PIK3R5: variants seen among roughly 807,000 people sequenced by gnomAD.
PIK3R5 encodes phosphoinositide 3-kinase regulatory subunit 5.
PIK3R5 carries 32 observed loss-of-function variants against 94.9 expected under a neutral mutation model. The ratio of observed to expected loss-of-function variants is 0.34; its 90% CI spans 0.25 to 0.45. The LOEUF (loss-of-function observed/expected upper bound fraction) is 0.45. Ranked by LOEUF, PIK3R5 falls within the 20% of genes least tolerant of loss-of-function variation. PIK3R5 has a pLI of 1.00. For synonymous variants in PIK3R5, 443 were observed against 479.4 expected (o/e 0.92, Z 0.99); for missense variants, 853 against 1,144.6 (o/e 0.75, Z 3.68).
intron 1 of PIK3R5, among the ~76,000 whole-genome samples, chr17:8,940,426 A>G (rs2091155351): frequency 6.6e-6 from 1 of 152,122 alleles, no homozygotes; most frequent in African/African-American, 2.4e-5. Context: ...CCCTGACAAG[A>G]TGGGACCCAG....
Position 8,881,734 on chromosome 17 carries a change from G to T in PIK3R5, c.2300-22C>A, listed in dbSNP as rs2089667003. The stretch of plus-strand genomic sequence containing the variant: ...GAATCTGAGGGGCAAGGACACTCAG[G>T]CCAGGCTCAGAGCACCTCCCTACTG... On this transcript the variant is annotated intron_variant, in intron 16 of 18. Transcript: ENST00000447110. The surrounding 1 kb of genome is among the most constrained non-coding windows in gnomAD (Gnocchi z 4.8). 3.7e-6 allele frequency: 6 copies of T among 1,612,550 alleles called. No individual in the cohort carries two copies. The African/African-American group carries it at 8.0e-5, about 22-fold the overall frequency.
intron 1 of PIK3R5, among the ~76,000 whole-genome samples, chr17:8,949,266 C>T (rs531559797): frequency 1.2e-4 from 18 of 152,290 alleles, no homozygotes; most frequent in South Asian, 4.1e-4. Context: ...TGCTAAATTT[C>T]GAGCTGGTGA....
chr17:8,903,178 T>A (rs192437306), intron 5 of PIK3R5, among the ~76,000 whole-genome samples: 1 of 152,210 alleles, frequency 6.6e-6, no homozygotes, highest in Non-Finnish European at 1.5e-5. Flanking sequence ...ATATTTTTTA[T>A]GGTCTACCAA....
At chr17:8,939,000 T>C (rs1597420864) in intron 1 of PIK3R5, among the ~76,000 whole-genome samples, 1 of 152,210 alleles carries the variant, frequency 6.6e-6, no homozygotes, top group Non-Finnish European at 1.5e-5. Flanking sequence ...TTGAGTCTTG[T>C]GGGCTTACAT....
At chr17:8,931,874 C>A (rs992842478) in intron 1 of PIK3R5, among the ~76,000 whole-genome samples, 1 of 152,190 alleles carries the variant, frequency 6.6e-6, no homozygotes, top group Admixed American at 6.5e-5. Flanking sequence ...TAATTCTTGA[C>A]ATCTAGACAT....
chr17:8,902,580 T>G (rs944487043), intron 5 of PIK3R5, among the ~76,000 whole-genome samples: 1 of 152,098 alleles, frequency 6.6e-6, no homozygotes, highest in African/African-American at 2.4e-5. Flanking sequence ...TGCAAATATT[T>G]TTCTCAGTTT....
At chr17:8,897,553 G>A (rs2090180397) in intron 5 of PIK3R5, among the ~76,000 whole-genome samples, 1 of 152,168 alleles carries the variant, frequency 6.6e-6, no homozygotes, top group Non-Finnish European at 1.5e-5. Context: ...CACCCTAACA[G>A]GACCAATCCA....
intron 1 of PIK3R5, among the ~76,000 whole-genome samples, chr17:8,951,984 A>G (rs1307045561): frequency 6.6e-6 from 1 of 152,260 alleles, no homozygotes; most frequent in African/African-American, 2.4e-5. Context: ...TTTAGAAGGA[A>G]GAGGCATGCA....
chr17:8,879,400 A>T lies in PIK3R5; in HGVS notation c.*1239T>A, dbSNP rs1597458730. 6.6e-6 allele frequency: 1 copy of T among 152,234 alleles called. No individual in the cohort carries two copies. The highest frequency in any genetic ancestry group is 2.1e-4 in the South Asian group (1 of 4,816). The allele number at this position is 152,234 out of a possible 1,614,324, so 9.4% of individuals were successfully genotyped here. On this transcript the variant is annotated 3_prime_UTR_variant, in exon 19 of 19. Coordinates refer to ENST00000447110, the MANE Select transcript of PIK3R5 (RefSeq NM_001142633.3). The surrounding 1 kb of genome is among the most constrained non-coding windows in gnomAD (Gnocchi z 4.4). ...TGACCATTTCCCATGCACCAGTCCC[A>T]TTTCCCCTGAGTCGGGCACTAAGCT... is the stretch of plus-strand genomic sequence containing the variant.
At chr17:8,891,481 G>A (rs992446861) in intron 6 of PIK3R5, among the ~76,000 whole-genome samples, 2 of 152,176 alleles carry the variant, frequency 1.3e-5, no homozygotes, top group Admixed American at 6.5e-5. Context: ...CATGATACAG[G>A]CTTTCACTGG....
In PIK3R5 at chr17:8,880,455, T is replaced by G. The variant is rs1567628948; in HGVS notation, c.*184A>C. On this transcript the variant is annotated 3_prime_UTR_variant, in exon 19 of 19. Coordinates refer to ENST00000447110, the MANE Select transcript of PIK3R5 (RefSeq NM_001142633.3). ...CTGGCCCTTCTCTCTCTGATAGCTG[T>G]TGCTTTCCCAGAACCCTGAGGCCCC... is the stretch of plus-strand genomic sequence containing the variant. 5.5e-6 allele frequency: 3 copies of G among 547,400 alleles called. No individual in the cohort carries two copies. The East Asian group carries it at 9.0e-5, about 16-fold the overall frequency. The allele number at this position is 547,400 out of a possible 1,614,324, so 33.9% of individuals were successfully genotyped here. A position where few individuals can be genotyped will look rare whatever the true frequency, so the allele number is the denominator to read the frequency against.
At position 8,886,312 on chromosome 17, in the gene PIK3R5, A is replaced by G; in HGVS notation, c.2045T>C (p.Ile682Thr). ...LQVYQTELTF[I>T]TGEKTTEIFI... ...GATCTCTGTCGTCTTCTCCCCAGTG[A>G]TGAAGGTCAGCTGGAGAGGGCAGGA... The change falls in exon 14 of 19, where the codon ATC becomes ACC. Residue 682 changes from isoleucine to threonine, a missense_variant. Around this residue, in one of 6 missense-constraint regions of PIK3R5, gnomAD observed 173 missense variants for 274.1 expected, o/e 0.63. Transcript: ENST00000447110. 6.2e-7 allele frequency: 1 copy of G among 1,613,328 alleles called. No individual in the cohort carries two copies. Among genetic ancestry groups the G allele is most frequent in the East Asian group, 2.2e-5 (1 of 44,890 alleles).
intron 1 of PIK3R5, among the ~76,000 whole-genome samples, chr17:8,963,315 G>T (rs1196080059): frequency 6.6e-6 from 1 of 152,060 alleles, no homozygotes; most frequent in East Asian, 1.9e-4. Context: ...CCCAAGCTGG[G>T]GCTTCCAAAC....
rs755015845 is a variant in PIK3R5, at chr17:8,904,266, C to T, written c.412+511G>A. 6.6e-6 allele frequency among the ~76,000 whole-genome samples: 1 copy of T among 152,210 alleles called. No individual in the cohort carries two copies. Among genetic ancestry groups the T allele is most frequent in the Non-Finnish European group, 1.5e-5 (1 of 68,042 alleles). On this transcript the variant is annotated intron_variant, in intron 5 of 18. Transcript: ENST00000447110. This position sits in a 1 kb window ranked among gnomAD's most constrained non-coding sequence, Gnocchi z 5.1. ...TTCTGAAGAATTCTTACTTTTCAGACCCCACACATGAAAACTGAGTCCCGG... is the reference window on the plus strand; with the variant it reads ...TTCTGAAGAATTCTTACTTTTCAGATCCCACACATGAAAACTGAGTCCCGG...
Position 8,907,345 on chromosome 17 carries a change from T to C in PIK3R5, c.205-1608A>G, listed in dbSNP as rs1290549948. On this transcript the variant is annotated intron_variant, in intron 3 of 18. Coordinates refer to ENST00000447110, the MANE Select transcript of PIK3R5 (RefSeq NM_001142633.3). ...CATGCCTGGCATCTTATTAGTTTCA[T>C]TGTGGACATTCAAGATTATTTTCTT... 3.3e-5 allele frequency among the ~76,000 whole-genome samples: 5 copies of C among 152,270 alleles called. No homozygotes were observed. The East Asian group carries it at 7.7e-4, about 24-fold the overall frequency.
rs761120075 is a variant in PIK3R5, at chr17:8,887,076, G to A, written c.1905+20C>T. 27 of 1,613,382 alleles carry A rather than the reference G, an allele frequency of 1.7e-5. No homozygotes were observed. The highest frequency in any genetic ancestry group is 1.1e-4 in the South Asian group (10 of 91,038). On this transcript the variant is annotated intron_variant, in intron 12 of 18. Transcript: ENST00000447110. Reference sequence around the variant, plus strand: ...GACTGCAGCCAGTGGACCCTGTTCCGCAACCACGGGGCCACTTACCTGGCA... The same window carrying A: ...GACTGCAGCCAGTGGACCCTGTTCCACAACCACGGGGCCACTTACCTGGCA...
chr17:8,911,439 C>T lies in PIK3R5; in HGVS notation c.56G>A (p.Arg19His), dbSNP rs1194165764. ...TEDRIQHALE[R>H]CLHGLSLSRR... is the part of the protein sequence containing the mutation. ...GCTGAGGCTGAGTCCATGCAGGCAG[C>T]GTTCCAGGGCATGCTGGATGCGGTC... Residue 19 changes from arginine (R) to histidine (H), a missense_variant, in exon 2 of 19, where the codon CGC becomes CAC. Arg to His is a conservative substitution (Grantham distance 29, BLOSUM62 0). Transcript: ENST00000447110. This position sits in a 1 kb window ranked among gnomAD's most constrained non-coding sequence, Gnocchi z 5.3. The T allele has an allele frequency of 6.3e-7, 1 of 1,599,952 alleles. No individual in the cohort carries two copies. Among genetic ancestry groups the T allele is most frequent in the Non-Finnish European group, 8.5e-7 (1 of 1,179,890 alleles).
chr17:8,884,806 C>T lies in PIK3R5; in HGVS notation c.2129-23G>A. ...GACCTGTGCCACACACAGACAGACC[C>T]TTCACTACCCCTGGCTTCCCCGGCT... On this transcript the variant is annotated intron_variant, in intron 14 of 18. Transcript: ENST00000447110. The surrounding 1 kb of genome is among the most constrained non-coding windows in gnomAD (Gnocchi z 5.8). The T allele has an allele frequency of 6.2e-7, 1 of 1,609,846 alleles. No individual in the cohort carries two copies. Among genetic ancestry groups the T allele is most frequent in the Non-Finnish European group, 8.5e-7 (1 of 1,177,848 alleles).
rs1409831391 is a variant in PIK3R5, at chr17:8,882,610, A to G, written c.2206-729T>C. The G allele has an allele frequency of 6.5e-6, 1 of 152,756 alleles. No homozygotes were observed. Among genetic ancestry groups the G allele is most frequent in the East Asian group, 1.9e-4 (1 of 5,176 alleles). 9.5% of individuals were successfully genotyped at this position (152,756 alleles called of 1,614,324 possible). ...GTCAGGCCCGTTCAGCCAGCCGTCTATTCTCACTGTCTCCTTATACCTCTC... is the reference window on the plus strand; with the variant it reads ...GTCAGGCCCGTTCAGCCAGCCGTCTGTTCTCACTGTCTCCTTATACCTCTC... On this transcript the variant is annotated intron_variant, in intron 15 of 18. Transcript: ENST00000447110. The surrounding 1 kb of genome is among the most constrained non-coding windows in gnomAD (Gnocchi z 4.1).
Sources: gnomAD v4.1 joint callset for allele counts (sites outside exome capture counted in the v4.1 genomes callset) on GRCh38, gnomAD v4.1.1 for gene constraint, gnomAD v4.1.1 regional missense constraint, Gnocchi (gnomAD v3.1) non-coding constraint, MANE v1.5 for transcripts, NCBI Gene and HGNC (gene_info 2026-07-23, HGNC 2026-07-21) for gene names.